The following OSTF1 variants were observed in gnomAD, a reference collection of about 807,000 sequenced individuals.
OSTF1 encodes the protein osteoclast-stimulating factor 1.
Under a neutral mutation model 37.2 loss-of-function variants are expected in OSTF1, and 27 were observed. That is an observed-to-expected ratio of 0.73 (90% CI 0.54 to 1.00). OSTF1 has a LOEUF of 1.00. Among genes scored for constraint, OSTF1 ranks in the 50% least tolerant of loss-of-function variants. The probability of loss-of-function intolerance (pLI) is 0.00; values close to 1 mark genes in which losing one functional copy is unlikely to be tolerated. For synonymous variants in OSTF1, 82 were observed against 89.2 expected (o/e 0.92, Z 0.46); for missense variants, 232 against 253.8 (o/e 0.91, Z 0.58).
intron 1 of OSTF1, among the ~76,000 whole-genome samples, chr9:75,096,194 G>A (rs948432285): frequency 6.6e-6 from 1 of 152,078 alleles, no homozygotes; most frequent in African/African-American, 2.4e-5. Flanking sequence ...GCCTGGACAT[G>A]CCCCCTCCTT....
At chr9:75,129,895 G>A (rs1318391591) in intron 3 of OSTF1, among the ~76,000 whole-genome samples, 1 of 152,136 alleles carries the variant, frequency 6.6e-6, no homozygotes, top group African/African-American at 2.4e-5. Flanking sequence ...AGGAATTATT[G>A]TTGGAAAAAA....
At chr9:75,108,949 A>G (rs771565344) in intron 1 of OSTF1, among the ~76,000 whole-genome samples, 3 of 152,090 alleles carry the variant, frequency 2.0e-5, no homozygotes, top group Non-Finnish European at 4.4e-5. Context: ...CAAACTTTTA[A>G]AGTGAGTCTA....
chr9:75,104,056 C>T (rs11144233), intron 1 of OSTF1, among the ~76,000 whole-genome samples: 38,423 of 151,742 alleles, frequency 0.25, 4,998 homozygotes, highest in African/African-American at 0.31. Context: ...GGTAAAATCC[C>T]GTCTCTACTA....
chr9:75,129,302 A>G (rs559060782), intron 3 of OSTF1, among the ~76,000 whole-genome samples: 1 of 152,342 alleles, frequency 6.6e-6, no homozygotes, highest in East Asian at 1.9e-4. Flanking sequence ...TAAGGGAAAG[A>G]ATCACCATTT....
At chr9:75,135,013 A>G (rs1032630869) in intron 7 of OSTF1, among the ~76,000 whole-genome samples, 4 of 152,118 alleles carry the variant, frequency 2.6e-5, no homozygotes, top group African/African-American at 9.7e-5. Flanking sequence ...TGGATTCATT[A>G]CTTCCTGAAG....
intron 1 of OSTF1, among the ~76,000 whole-genome samples, chr9:75,114,117 G>C (rs1268231661): frequency 6.6e-6 from 1 of 152,078 alleles, no homozygotes; most frequent in Non-Finnish European, 1.5e-5. Context: ...ACAAATGACA[G>C]GATTTCTTTC....
chr9:75,115,243 A>G (rs117947042), intron 1 of OSTF1, among the ~76,000 whole-genome samples: 1,717 of 152,314 alleles, frequency 0.011, 15 homozygotes, highest in Non-Finnish European at 0.017. Context: ...ACCATCTTCT[A>G]GAACTAGAAG....
intron 1 of OSTF1, among the ~76,000 whole-genome samples, chr9:75,111,462 G>A (rs372580537): frequency 3.5e-4 from 53 of 152,236 alleles, no homozygotes; most frequent in African/African-American, 1.3e-3. Flanking sequence ...CAGGTGCACC[G>A]CTGCTGCTGC....
At chr9:75,130,341 G>A (rs1825743273) in intron 3 of OSTF1, among the ~76,000 whole-genome samples, 2 of 152,122 alleles carry the variant, frequency 1.3e-5, no homozygotes, top group South Asian at 4.1e-4. Flanking sequence ...TATTTGTTTG[G>A]TTGTTGAGAC....
At chr9:75,107,793 C>T (rs1448515548) in intron 1 of OSTF1, among the ~76,000 whole-genome samples, 1 of 152,110 alleles carries the variant, frequency 6.6e-6, no homozygotes, top group Non-Finnish European at 1.5e-5. Flanking sequence ...GATAACTGGC[C>T]AAATGGTGGA....
At chr9:75,093,503 C>A (rs1047391049) in intron 1 of OSTF1, among the ~76,000 whole-genome samples, 1 of 152,040 alleles carries the variant, frequency 6.6e-6, no homozygotes, top group East Asian at 1.9e-4. Context: ...CTGACCTTGG[C>A]CATTTTTTCC....
chr9:75,134,016 T>A (rs1419461416), intron 6 of OSTF1, among the ~76,000 whole-genome samples: 1 of 152,166 alleles, frequency 6.6e-6, no homozygotes, highest in African/African-American at 2.4e-5. Flanking sequence ...AAAGGAAAAT[T>A]TGTAACTGTC....
At chr9:75,093,181 C>T (rs1306988290) in intron 1 of OSTF1, among the ~76,000 whole-genome samples, 1 of 151,342 alleles carries the variant, frequency 6.6e-6, no homozygotes, top group African/African-American at 2.4e-5. Context: ...TATAGATGCT[C>T]ACCACCAAAC....
At chr9:75,097,583 T>G (rs79735651) in intron 1 of OSTF1, among the ~76,000 whole-genome samples, 2,578 of 152,202 alleles carry the variant, frequency 0.017, 67 homozygotes, top group African/African-American at 0.058. Context: ...CAACCACATT[T>G]TTTGAGGATC....
rs79432203 is a variant in OSTF1 at position 75,112,947 on chromosome 9, A to G, written c.35-4557A>G. On this transcript the variant is annotated intron_variant, in intron 1 of 9. Transcript: ENST00000346234. ...CTGCTCTCAGAGAGACAATCTAGTC[A>G]GCAGAAAATACTGTATTTCTCCTGG... 1.7e-3 allele frequency among the ~76,000 whole-genome samples: 257 copies of G among 152,326 alleles called. 1 individual carries two copies. Among genetic ancestry groups the G allele is most frequent in the African/African-American group, 6.0e-3 (248 of 41,570 alleles).
chr9:75,092,883 G>A (rs1251365440), intron 1 of OSTF1, among the ~76,000 whole-genome samples: 1 of 151,950 alleles, frequency 6.6e-6, no homozygotes, highest in African/African-American at 2.4e-5. Context: ...CTTGCTTACT[G>A]ATTTTGTTTC....
At chr9:75,101,920 C>A (rs17630713) in intron 1 of OSTF1, among the ~76,000 whole-genome samples, 38,350 of 152,098 alleles carry the variant, frequency 0.25, 4,985 homozygotes, top group African/African-American at 0.31. Context: ...GTCTTGCTAG[C>A]ATGTGTCTTC....
chr9:75,114,973 C>G (rs1321833802), intron 1 of OSTF1, among the ~76,000 whole-genome samples: 3 of 152,214 alleles, frequency 2.0e-5, no homozygotes, highest in Non-Finnish European at 4.4e-5. Flanking sequence ...ACTCGGGTGT[C>G]TCATTCATAA....
chr9:75,103,434 CAT>C (rs1320054555), intron 1 of OSTF1, among the ~76,000 whole-genome samples: 3 of 152,180 alleles, frequency 2.0e-5, no homozygotes, highest in African/African-American at 7.2e-5. Flanking sequence ...AAGTATGACT[CAT>C]AGTTCTACCA....
Sources: allele counts gnomAD v4.1 joint callset (sites outside exome capture counted in the v4.1 genomes callset), GRCh38; gene constraint gnomAD v4.1.1; transcripts MANE v1.5; gene names NCBI Gene and HGNC (gene_info 2026-07-23, HGNC 2026-07-21).